Variants in ABCA13 observed in about 807,000 individuals in gnomAD.
ABCA13 encodes ATP binding cassette subfamily A member 13.
In ABCA13, 476 loss-of-function variants were observed where a neutral mutation model predicts 478.7. The ratio of observed to expected loss-of-function variants is 0.99; its 90% confidence interval spans 0.92 to 1.07. The LOEUF is 1.07. ABCA13 is among the 50% of genes least tolerant of loss of function. The pLI, the probability that ABCA13 is intolerant of heterozygous loss-of-function variation, is 0.00. For synonymous variants in ABCA13, 2,252 were observed against 2,158.9 expected, an observed-to-expected ratio of 1.04 and a Z score of -1.20; for missense variants, 6,060 against 5,910.6, an observed-to-expected ratio of 1.03 and a Z score of -0.83.
At chr7:48,505,928 T>C (rs1165862400) in intron 48 of ABCA13, among the ~76,000 whole-genome samples, 2 of 152,212 alleles carry the variant, frequency 1.3e-5, no homozygotes, top group Non-Finnish European at 2.9e-5. Context: ...TCTATCTAGA[T>C]GTGGCTTGAT....
chr7:48,327,658 T>A (rs1045554239), intron 27 of ABCA13, among the ~76,000 whole-genome samples: 4 of 152,224 alleles, frequency 2.6e-5, no homozygotes, highest in African/African-American at 9.6e-5. Flanking sequence ...TGAATCCAAA[T>A]TTGGCAGACT....
intron 5 of ABCA13, 60 bp downstream of exon 5, chr7:48,221,369 A>G: frequency 1.4e-5 from 11 of 808,244 alleles, no homozygotes; most frequent in Non-Finnish European, 5.7e-6. Context: ...TTAAGTTTAC[A>G]ACACTGTTTT....
chr7:48,459,164 T>C (rs1825988174), intron 43 of ABCA13, among the ~76,000 whole-genome samples: 1 of 152,032 alleles, frequency 6.6e-6, no homozygotes, highest in African/African-American at 2.4e-5. Flanking sequence ...CCAGAGAAAT[T>C]AGAGGAGGGT....
intron 3 of ABCA13, among the ~76,000 whole-genome samples, chr7:48,201,740 G>A (rs34940245): frequency 0.2 from 30,904 of 152,108 alleles, 3,389 homozygotes; most frequent in Middle Eastern, 0.26. Context: ...AATCTTGAAG[G>A]CAAATATCAC....
rs751801599 is a variant in ABCA13, at chr7:48,295,723, G to A, written c.8979G>A (p.Ser2993=). ...AGGAAATTGAAAAGATATGGTCCTC[G>A]CCGAATCAGCTAAATTGTGAAAGTC... ...HFQEIEKIWS[S]PNQLNCESLS... is the part of the protein sequence containing the mutation. The change falls in exon 21 of 62, where the codon TCG becomes TCA. Residue 2993 remains serine (S), a synonymous_variant. Coordinates refer to ENST00000435803, the MANE Select transcript of ABCA13 (RefSeq NM_152701.5). The A allele has an allele frequency of 3.7e-6, 6 of 1,613,992 alleles. No individual in the cohort carries two copies. The Admixed American group carries it at 6.7e-5, about 18-fold the overall frequency.
chr7:48,222,845 T>C (rs1480881067), intron 5 of ABCA13, among the ~76,000 whole-genome samples: 1 of 152,072 alleles, frequency 6.6e-6, no homozygotes, highest in Non-Finnish European at 1.5e-5. Context: ...ACTTGAGTTA[T>C]GTTTTTGGAG....
intron 58 of ABCA13, among the ~76,000 whole-genome samples, chr7:48,611,315 C>T (rs1792001785): frequency 1.3e-5 from 2 of 152,138 alleles, no homozygotes; most frequent in South Asian, 4.1e-4. Flanking sequence ...CTTATTTTCC[C>T]ATCTTCTCCT....
intron 10 of ABCA13, among the ~76,000 whole-genome samples, chr7:48,242,067 T>C (rs565523272): frequency 5.9e-5 from 9 of 152,196 alleles, no homozygotes; most frequent in East Asian, 3.9e-4. Flanking sequence ...CTGTCATAAA[T>C]GAACAAATGC....
At chr7:48,568,648 C>T (rs1787311353) in intron 55 of ABCA13, among the ~76,000 whole-genome samples, 1 of 151,806 alleles carries the variant, frequency 6.6e-6, no homozygotes, top group Non-Finnish European at 1.5e-5. Flanking sequence ...TTTTTTTTCT[C>T]TTCTACTTTT....
Position 48,282,401 on chromosome 7 carries a change from C to T in ABCA13, c.8836+949C>T, listed in dbSNP as rs543877655. Among the ~76,000 whole-genome samples the T allele has an allele frequency of 9.8e-4, 150 of 152,304 alleles. 1 individual carries two copies. The highest frequency in any genetic ancestry group is 3.5e-3 in the African/African-American group (147 of 41,558). On this transcript the variant is annotated intron_variant, in intron 19 of 61. Transcript: ENST00000435803. ...CTCCTGAGCAGGGCTGCCCAGAGCC[C>T]CCTCAGTGGGCTACTGGGCCTGAGT...
At chr7:48,546,571 CAA>C (rs111401579) in intron 55 of ABCA13, among the ~76,000 whole-genome samples, 21,205 of 151,424 alleles carry the variant, frequency 0.14, 2,042 homozygotes, top group African/African-American at 0.23. Context: ...ACTCTTAAGA[CAA>C]AAGCCTTTCT....
intron 27 of ABCA13, among the ~76,000 whole-genome samples, chr7:48,327,897 G>T (rs1161426111): frequency 6.6e-6 from 1 of 152,208 alleles, no homozygotes; most frequent in East Asian, 1.9e-4. Flanking sequence ...ACAGTTTAAA[G>T]ATATTTATTT....
chr7:48,507,203 G>A (rs542125513), intron 49 of ABCA13, among the ~76,000 whole-genome samples: 424 of 152,284 alleles, frequency 2.8e-3, no homozygotes, highest in Non-Finnish European at 4.6e-3. Context: ...AATGCGACAC[G>A]ATGGAGCAGA....
chr7:48,198,284 G>C lies in ABCA13; in HGVS notation c.211G>C (p.Val71Leu), dbSNP rs899530113. The change falls in exon 3 of 62, where the codon GTT becomes CTT. Residue 71 changes from valine to leucine, a missense_variant. Physicochemically the swap from Val to Leu is conservative, Grantham distance 32. Around this residue, in one of 3 missense-constraint regions of ABCA13, gnomAD observed 4,423 missense variants for 4,309.1 expected, o/e 1.03. Transcript: ENST00000435803. ...DLPSCGVIPFVQSLLCNTGSR... is the reference protein window; with the variant it reads ...DLPSCGVIPFLQSLLCNTGSR... ...ACCCAGCTGTGGTGTTATCCCCTTT[G>C]TTCAAAGCCTTCTTTGTAACACTGG... 1 of 1,613,530 alleles carries C rather than the reference G, an allele frequency of 6.2e-7. No individual in the cohort carries two copies. The highest frequency in any genetic ancestry group is 1.7e-5 in the Admixed American group (1 of 59,974).
Position 48,272,281 on chromosome 7 carries a change from A to T in ABCA13, c.2615A>T (p.Asn872Ile), listed in dbSNP as rs993427566. The change falls in exon 17 of 62, where the codon AAC becomes ATC. Residue 872 changes from asparagine to isoleucine, a missense_variant. This residue lies in a region of ABCA13 where 4,423 missense variants were observed against 4,309.1 expected (regional missense o/e 1.03). Coordinates refer to ENST00000435803, the MANE Select transcript of ABCA13 (RefSeq NM_152701.5). ...PENEILSTSF[N>I]FSQLFHSDWP... ...AATGAGATTCTGAGTACAAGTTTTA[A>T]CTTTTCCCAGTTGTTCCATTCAGAT... is the stretch of plus-strand genomic sequence containing the variant. The T allele has an allele frequency of 6.2e-7, 1 of 1,613,602 alleles. No homozygotes were observed. The highest frequency in any genetic ancestry group is 8.5e-7 in the Non-Finnish European group (1 of 1,179,740).
At chr7:48,195,903 T>A (rs1797862941) in intron 2 of ABCA13, among the ~76,000 whole-genome samples, 1 of 151,730 alleles carries the variant, frequency 6.6e-6, no homozygotes, top group Non-Finnish European at 1.5e-5. Flanking sequence ...CCAGGGCAGT[T>A]CAGTAGAGGG....
chr7:48,521,880 C>A (rs1832566205), intron 53 of ABCA13, among the ~76,000 whole-genome samples: 1 of 152,124 alleles, frequency 6.6e-6, no homozygotes. Flanking sequence ...GGATAACTGT[C>A]ATAATGACTG....
intron 27 of ABCA13, among the ~76,000 whole-genome samples, chr7:48,331,103 A>G (rs1415877920): frequency 6.6e-6 from 1 of 152,256 alleles, no homozygotes; most frequent in Non-Finnish European, 1.5e-5. Flanking sequence ...ATAACAAAAA[A>G]TAATGAATAC....
At chr7:48,337,770 G>A (rs1270464943) in intron 28 of ABCA13, among the ~76,000 whole-genome samples, 1 of 152,144 alleles carries the variant, frequency 6.6e-6, no homozygotes, top group Admixed American at 6.5e-5. Context: ...CAAAATAAAG[G>A]GGCAAGATGT....
Sources: gnomAD v4.1 joint callset for allele counts (sites outside exome capture counted in the v4.1 genomes callset) on GRCh38, gnomAD v4.1.1 for gene constraint, gnomAD v4.1.1 regional missense constraint, MANE v1.5 for transcripts, NCBI Gene and HGNC (gene_info 2026-07-23, HGNC 2026-07-21) for gene names.